Variants in CALN1 observed in about 807,000 individuals in gnomAD.
CALN1 encodes the protein calcium-binding protein 8.
A neutral mutation model predicts 30.6 loss-of-function variants in CALN1; 17 were observed. The ratio of observed to expected loss-of-function variants is 0.56; its 90% confidence interval spans 0.38 to 0.83. The LOEUF (loss-of-function observed/expected upper bound fraction) is 0.83, where lower values mean the gene tolerates loss of function less well. Among genes scored for constraint, CALN1 ranks in the 40% least tolerant of loss-of-function variants. The pLI is 0.00. For synonymous variants in CALN1, 156 were observed against 131.4 expected (o/e 1.19, Z -1.28); for missense variants, 291 against 354.9 (o/e 0.82, Z 1.45).
At chr7:72,096,078 T>TAGATAA (rs1414237995) in intron 4 of CALN1, among the ~76,000 whole-genome samples, 2 of 151,554 alleles carry the variant, frequency 1.3e-5, no homozygotes, top group East Asian at 1.9e-4. Context: ...GATAGATAGA[T>TAGATAA]AGATAGATAG....
chr7:72,290,079 T>TAAAAAAAAAA (rs60416266), intron 2 of CALN1, among the ~76,000 whole-genome samples: 1 of 32,084 alleles, frequency 3.1e-5, no homozygotes, highest in Non-Finnish European at 5.5e-5. Context: ...GACCCTGTCT[T>TAAAAAAAAAA]AAAAAAAAAA....
chr7:72,360,167 T>C (rs946300638), intron 2 of CALN1, among the ~76,000 whole-genome samples: 2 of 152,100 alleles, frequency 1.3e-5, no homozygotes, highest in Non-Finnish European at 2.9e-5. Context: ...GGAAATTTGA[T>C]TTTGGCCTCC....
chr7:72,499,942 C>T, the CALN1 span, among the ~76,000 whole-genome samples: 2 of 147,612 alleles, frequency 1.4e-5, 1 homozygote, highest in Non-Finnish European at 3.0e-5. Flanking sequence ...GACAGTGTCT[C>T]GCTCTGTTGC....
chr7:72,081,024 G>A (rs1451205683), intron 4 of CALN1, among the ~76,000 whole-genome samples: 1 of 152,062 alleles, frequency 6.6e-6, no homozygotes, highest in African/African-American at 2.4e-5. Context: ...AGAACTTTCC[G>A]AGGGATAGCT....
intron 1 of CALN1, among the ~76,000 whole-genome samples, chr7:72,407,546 C>T (rs1317445620): frequency 6.6e-6 from 1 of 152,208 alleles, no homozygotes. Context: ...TCTCCTCCTG[C>T]TCTGGCCATG....
intron 5 of CALN1, among the ~76,000 whole-genome samples, chr7:71,887,609 T>A (rs1337521583): frequency 6.6e-6 from 1 of 152,026 alleles, no homozygotes; most frequent in African/African-American, 2.4e-5. Flanking sequence ...CATGATTATG[T>A]TTATAGTTTT....
intron 6 of CALN1, among the ~76,000 whole-genome samples, chr7:71,790,376 GA>G (rs373242435): frequency 1.4e-4 from 6 of 43,632 alleles, no homozygotes; most frequent in Admixed American, 3.2e-4. Flanking sequence ...AGAAAAGAAA[GA>G]AAGAAAGAAA....
chr7:72,174,898 G>A (rs1263164271), intron 3 of CALN1, among the ~76,000 whole-genome samples: 1 of 150,464 alleles, frequency 6.6e-6, no homozygotes, highest in African/African-American at 2.4e-5. Flanking sequence ...GCAGTGTACT[G>A]TATGTAAACT....
intron 5 of CALN1, among the ~76,000 whole-genome samples, chr7:71,933,790 A>G (rs1316399925): frequency 6.6e-6 from 1 of 152,158 alleles, no homozygotes; most frequent in East Asian, 1.9e-4. Context: ...CTTTAACATA[A>G]GGTATCATAA....
chr7:72,295,419 T>C (rs1459914347), intron 2 of CALN1, among the ~76,000 whole-genome samples: 2 of 152,124 alleles, frequency 1.3e-5, no homozygotes, highest in Non-Finnish European at 2.9e-5. Flanking sequence ...GGTAGCTTGA[T>C]GGGGATGGCA....
At chr7:72,460,746 G>A in the CALN1 span, among the ~76,000 whole-genome samples, 1 of 152,254 alleles carries the variant, frequency 6.6e-6, no homozygotes, top group South Asian at 2.1e-4. Context: ...TTGAGTACCA[G>A]GTCTAATTTC....
At chr7:72,354,901 CTTTT>C (rs1191956770) in intron 2 of CALN1, among the ~76,000 whole-genome samples, 1 of 137,738 alleles carries the variant, frequency 7.3e-6, no homozygotes, top group Non-Finnish European at 1.5e-5. Flanking sequence ...TTTTTTTTTT[CTTTT>C]CTTTTTTTTT....
chr7:72,192,655 A>C (rs1790695147), intron 3 of CALN1, among the ~76,000 whole-genome samples: 1 of 96,784 alleles, frequency 1.0e-5, no homozygotes, highest in Non-Finnish European at 2.1e-5. Context: ...TATTATTATT[A>C]TTATTATTAT....
intron 2 of CALN1, among the ~76,000 whole-genome samples, chr7:72,393,930 A>G (rs913319328): frequency 6.6e-6 from 1 of 152,076 alleles, no homozygotes; most frequent in Non-Finnish European, 1.5e-5. Context: ...GCACTCTTAA[A>G]TATTTATCAG....
chr7:71,806,398 C>T (rs1262803749), intron 6 of CALN1, among the ~76,000 whole-genome samples: 4 of 151,896 alleles, frequency 2.6e-5, no homozygotes, highest in Non-Finnish European at 4.4e-5. Flanking sequence ...CCTCCACCTC[C>T]TGGGCTCAAG....
chr7:72,367,174 T>C (rs551002414), intron 2 of CALN1, among the ~76,000 whole-genome samples: 15 of 152,136 alleles, frequency 9.9e-5, no homozygotes, highest in Middle Eastern at 6.8e-3. Context: ...CTTGGGTTGG[T>C]GGAAGCAGGT....
intron 4 of CALN1, among the ~76,000 whole-genome samples, chr7:72,049,674 T>C (rs953636663): frequency 2.6e-5 from 4 of 151,582 alleles, no homozygotes; most frequent in Non-Finnish European, 5.9e-5. Context: ...CGCCCGGCTA[T>C]TTTTTGTGTT....
intron 1 of CALN1, among the ~76,000 whole-genome samples, chr7:72,427,941 C>T (rs1807850284): frequency 6.6e-6 from 1 of 152,250 alleles, no homozygotes; most frequent in Admixed American, 6.5e-5. Context: ...CCCTGCCTCT[C>T]CAGCAGCCTA....
chr7:72,353,667 G>T lies in CALN1; in HGVS notation c.119+49584C>A, dbSNP rs546805756. Among the ~76,000 whole-genome samples the T allele has an allele frequency of 3.3e-5, 5 of 152,194 alleles. No individual in the cohort carries two copies. In the East Asian group the frequency reaches 7.7e-4, roughly 24 times the overall value. On this transcript the variant is annotated intron_variant, in intron 2 of 6. Coordinates refer to ENST00000395275, the MANE Select transcript of CALN1 (RefSeq NM_031468.4). ...CTTTCCCTGTAAAATCAGGAAAAGG[G>T]CTTCTATTGAACATTTGTTGGAGGC...
Sources: gnomAD v4.1 joint callset for allele counts (sites outside exome capture counted in the v4.1 genomes callset) on GRCh38, gnomAD v4.1.1 for gene constraint, MANE v1.5 for transcripts, NCBI Gene and HGNC (gene_info 2026-07-23, HGNC 2026-07-21) for gene names.